Variants in TYW1B observed in about 807,000 individuals in gnomAD.
TYW1B encodes the protein tRNA-yW synthesizing protein 1 homolog B, also known as S-adenosyl-L-methionine-dependent tRNA 4-demethylwyosine synthase TYW1B.
In TYW1B, 73 loss-of-function variants were observed where a neutral mutation model predicts 86.9. The ratio of observed to expected loss-of-function variants is 0.84; its 90% CI spans 0.70 to 1.02. TYW1B has a LOEUF of 1.02. TYW1B is among the 50% of genes least tolerant of loss of function. The pLI is 0.00. For synonymous variants in TYW1B, 248 were observed against 292.8 expected (o/e 0.85, Z 1.56); for missense variants, 637 against 827.4 (o/e 0.77, Z 2.82).
At chr7:72,814,122 C>T (rs1331593170) in intron 3 of TYW1B, among the ~76,000 whole-genome samples, 1 of 152,016 alleles carries the variant, frequency 6.6e-6, no homozygotes, top group East Asian at 1.9e-4. Flanking sequence ...TTGGTTGGAT[C>T]GCCCATGGCC....
chr7:72,627,628 C>T (rs546530193), intron 12 of TYW1B, among the ~76,000 whole-genome samples: 22 of 152,168 alleles, frequency 1.4e-4, no homozygotes, highest in South Asian at 1.0e-3. Context: ...ATACACTCAT[C>T]GGAATCTATC....
rs868948014 is a variant in TYW1B at position 72,828,132 on chromosome 7, C to T, written c.-57G>A. 1.2e-6 allele frequency: 2 copies of T among 1,610,700 alleles called. No homozygotes were observed. The highest frequency in any genetic ancestry group is 8.5e-7 in the Non-Finnish European group (1 of 1,178,616). ...CGGACCTGGAGAGCCCAAAGGTTCG[C>T]ACTGGTACTGCGAGACGCACCGAGC... On this transcript the variant is annotated 5_prime_UTR_variant, in exon 1 of 14. Coordinates refer to ENST00000620995, the MANE Select transcript of TYW1B (RefSeq NM_001145440.3).
rs149066324 is a variant in TYW1B at position 72,697,173 on chromosome 7, A to G, written c.1371-2351T>C. ...GCCCTGACCTTTTCACTATGCTTCC[A>G]TAACTACTTAAGATTATGAACAGTA... On this transcript the variant is annotated intron_variant, in intron 10 of 13. Coordinates refer to ENST00000620995, the MANE Select transcript of TYW1B (RefSeq NM_001145440.3). 2.6e-5 allele frequency among the ~76,000 whole-genome samples: 4 copies of G among 152,262 alleles called. No homozygotes were observed. The East Asian group carries it at 7.7e-4, about 29-fold the overall frequency.
intron 11 of TYW1B, among the ~76,000 whole-genome samples, chr7:72,684,322 CAGAA>C (rs1813951224): frequency 6.6e-6 from 1 of 151,826 alleles, no homozygotes; most frequent in African/African-American, 2.4e-5. Flanking sequence ...TAACAAAATC[CAGAA>C]AGAAGACAGA....
rs571084891 is a variant in TYW1B, at chr7:72,620,411, C to G, written c.1618-3572G>C. Among the ~76,000 whole-genome samples, 15 of 152,104 alleles carry G rather than the reference C, an allele frequency of 9.9e-5. No homozygotes were observed. The East Asian group carries it at 2.9e-3, about 29-fold the overall frequency. ...GACTCTGTCTCAAAACAAAACAAAA[C>G]AAAAACCAAACAACAACAACAAAAC... is the stretch of plus-strand genomic sequence containing the variant. On this transcript the variant is annotated intron_variant, in intron 12 of 13. Coordinates refer to ENST00000620995, the MANE Select transcript of TYW1B (RefSeq NM_001145440.3).
At chr7:72,776,145 C>A (rs1271870382) in intron 7 of TYW1B, among the ~76,000 whole-genome samples, 1 of 151,476 alleles carries the variant, frequency 6.6e-6, no homozygotes, top group Non-Finnish European at 1.5e-5. Context: ...AGACCCGACT[C>A]AACCAAAAAA....
intron 1 of TYW1B, among the ~76,000 whole-genome samples, 165 bp downstream of exon 1, chr7:72,827,907 G>A (rs1788968548): frequency 6.6e-6 from 1 of 152,232 alleles, no homozygotes; most frequent in African/African-American, 2.4e-5. Flanking sequence ...CAGGTCAAAA[G>A]TAGGGATCGG....
chr7:72,610,985 C>G (rs1193996067), intron 13 of TYW1B, among the ~76,000 whole-genome samples: 2 of 152,302 alleles, frequency 1.3e-5, no homozygotes, highest in Middle Eastern at 3.4e-3. Flanking sequence ...TTAACCCTGC[C>G]TAATAATCTC....
At position 72,768,232 on chromosome 7, in the gene TYW1B, C is replaced by A. The variant is rs546061588; in HGVS notation, c.964+9184G>T. 4.2e-3 allele frequency among the ~76,000 whole-genome samples: 636 copies of A among 151,730 alleles called. 6 individuals carry two copies. Among genetic ancestry groups the A allele is most frequent in the African/African-American group, 0.015 (603 of 41,388 alleles). ...CTATAGCCTGGATGACAGGGCAAGACCCTACCTCAAAAAAAAAAAAAATTT... is the reference window on the plus strand; with the variant it reads ...CTATAGCCTGGATGACAGGGCAAGAACCTACCTCAAAAAAAAAAAAAATTT... On this transcript the variant is annotated intron_variant, in intron 7 of 13. Coordinates refer to ENST00000620995, the MANE Select transcript of TYW1B (RefSeq NM_001145440.3).
Position 72,575,427 on chromosome 7 carries a change from C to A in TYW1B, c.*71G>T. ...TTTACGTAATTCGTCCTTGGAGAAT[C>A]AGAGTGGTGTTCAAGAACCTTTTGA... On this transcript the variant is annotated 3_prime_UTR_variant, in exon 14 of 14. Coordinates refer to ENST00000620995, the MANE Select transcript of TYW1B (RefSeq NM_001145440.3). 6.4e-7 allele frequency: 1 copy of A among 1,568,870 alleles called. No individual in the cohort carries two copies. Among genetic ancestry groups the A allele is most frequent in the Non-Finnish European group, 8.6e-7 (1 of 1,159,372 alleles).
chr7:72,646,236 A>AT (rs1326992341), intron 11 of TYW1B, among the ~76,000 whole-genome samples: 3 of 151,362 alleles, frequency 2.0e-5, no homozygotes, highest in Non-Finnish European at 2.9e-5. Context: ...TTTATTTTTA[A>AT]TTTTTTTGTA....
chr7:72,585,023 T>C (rs1178801277), intron 13 of TYW1B, among the ~76,000 whole-genome samples: 1 of 152,182 alleles, frequency 6.6e-6, no homozygotes, highest in Non-Finnish European at 1.5e-5. Flanking sequence ...TGAAGTATAT[T>C]CTCCTCCCAT....
intron 10 of TYW1B, among the ~76,000 whole-genome samples, chr7:72,704,678 G>A (rs1420121103): frequency 6.6e-6 from 1 of 151,872 alleles, no homozygotes; most frequent in Non-Finnish European, 1.5e-5. Flanking sequence ...CCTTGCCAAA[G>A]GTGAAACTTC....
At chr7:72,811,070 G>C (rs1191109426) in intron 3 of TYW1B, among the ~76,000 whole-genome samples, 2 of 151,798 alleles carry the variant, frequency 1.3e-5, no homozygotes, top group Non-Finnish European at 2.9e-5. Flanking sequence ...AGGAGATCGA[G>C]ACCATCCTGG....
At chr7:72,821,494 C>T (rs1554480460) in intron 2 of TYW1B, among the ~76,000 whole-genome samples, 2 of 152,202 alleles carry the variant, frequency 1.3e-5, no homozygotes, top group Non-Finnish European at 1.5e-5. Context: ...AAAATCTTTG[C>T]CTTCCTTTAC....
intron 11 of TYW1B, among the ~76,000 whole-genome samples, chr7:72,664,153 C>A (rs537275667): frequency 8.3e-4 from 127 of 152,200 alleles, no homozygotes; most frequent in Admixed American, 2.5e-3. Context: ...CTCTTTCTTG[C>A]CAAACATTAT....
chr7:72,793,841 T>C (rs183432297), intron 6 of TYW1B, among the ~76,000 whole-genome samples: 124 of 151,894 alleles, frequency 8.2e-4, no homozygotes, highest in African/African-American at 2.9e-3. Context: ...TTTGAAGACT[T>C]CTCTAGAGAA....
intron 11 of TYW1B, among the ~76,000 whole-genome samples, chr7:72,661,426 G>A (rs1260242798): frequency 6.6e-6 from 1 of 151,242 alleles, no homozygotes; most frequent in Non-Finnish European, 1.5e-5. Context: ...AAAAGACAAG[G>A]CCTGTATTTA....
At chr7:72,735,359 C>T (rs1402143949) in intron 8 of TYW1B, among the ~76,000 whole-genome samples, 1 of 152,002 alleles carries the variant, frequency 6.6e-6, no homozygotes, top group Non-Finnish European at 1.5e-5. Context: ...CACTTGAGGT[C>T]AGGAGTTTGA....
Sources: allele counts gnomAD v4.1 joint callset (sites outside exome capture counted in the v4.1 genomes callset), GRCh38; gene constraint gnomAD v4.1.1; transcripts MANE v1.5; gene names NCBI Gene and HGNC (gene_info 2026-07-23, HGNC 2026-07-21).